The following RUNDC3B variants were observed in gnomAD, a reference collection of about 807,000 sequenced individuals.
RUNDC3B encodes RUN domain-containing protein 3B.
RUNDC3B carries 33 observed loss-of-function variants against 58.4 expected under a neutral mutation model. The observed-to-expected ratio is 0.56, with a 90% CI of 0.43 to 0.75. The LOEUF (loss-of-function observed/expected upper bound fraction) is 0.75. Among genes scored for constraint, RUNDC3B ranks in the 30% least tolerant of loss-of-function variants. The pLI is 0.00. For synonymous variants in RUNDC3B, 193 were observed against 195.2 expected (o/e 0.99, Z 0.10); for missense variants, 501 against 535.7 (o/e 0.94, Z 0.64).
chr7:87,642,036 T>G (rs995020648), intron 1 of RUNDC3B, among the ~76,000 whole-genome samples: 1 of 151,962 alleles, frequency 6.6e-6, no homozygotes, highest in Non-Finnish European at 1.5e-5. Flanking sequence ...GTGGACGATA[T>G]GCTTTTTGCA....
intron 8 of RUNDC3B, among the ~76,000 whole-genome samples, chr7:87,793,408 T>A (rs1835634769): frequency 6.6e-6 from 1 of 152,132 alleles, no homozygotes; most frequent in Non-Finnish European, 1.5e-5. Context: ...CTGAAGAACA[T>A]TGATGCAGAA....
chr7:87,717,766 A>G (rs1228245359), intron 4 of RUNDC3B, among the ~76,000 whole-genome samples: 1 of 152,140 alleles, frequency 6.6e-6, no homozygotes, highest in African/African-American at 2.4e-5. Context: ...AAGCCTGGAT[A>G]GTCCCAATGA....
rs148571002 is a variant in RUNDC3B, at chr7:87,632,788, A to G, written c.122+3843A>G. Among the ~76,000 whole-genome samples the G allele has an allele frequency of 3.8e-3, 575 of 152,314 alleles. 3 individuals are homozygous for G. The highest frequency in any genetic ancestry group is 0.013 in the African/African-American group (554 of 41,572). ...TTTTGGTGGCAGAGTATTAAAATCTAAATTCTCTTTCTATGGCTTAACAAT... is the reference window on the plus strand; with the variant it reads ...TTTTGGTGGCAGAGTATTAAAATCTGAATTCTCTTTCTATGGCTTAACAAT... On this transcript the variant is annotated intron_variant, in intron 1 of 10. Coordinates refer to ENST00000394654, the MANE Select transcript of RUNDC3B (RefSeq NM_001134405.2).
At chr7:87,697,229 A>T (rs1828571422) in intron 2 of RUNDC3B, among the ~76,000 whole-genome samples, 1 of 152,210 alleles carries the variant, frequency 6.6e-6, no homozygotes, top group Admixed American at 6.5e-5. Context: ...GGTGGTTGCC[A>T]TTGGCTAATA....
intron 2 of RUNDC3B, among the ~76,000 whole-genome samples, chr7:87,669,893 G>T (rs140939780): frequency 1.3e-5 from 2 of 152,214 alleles, no homozygotes; most frequent in Non-Finnish European, 2.9e-5. Flanking sequence ...CTCTCTAGCT[G>T]CCTTTAAAAG....
chr7:87,679,153 C>T (rs896170296), intron 2 of RUNDC3B, among the ~76,000 whole-genome samples: 10 of 139,266 alleles, frequency 7.2e-5, no homozygotes, highest in South Asian at 4.6e-4. Flanking sequence ...AGTGCAGTGG[C>T]GCGATCTTGG....
At chr7:87,745,140 AGCATCCCT>A (rs1832574212) in intron 6 of RUNDC3B, among the ~76,000 whole-genome samples, 3 of 152,202 alleles carry the variant, frequency 2.0e-5, no homozygotes, top group African/African-American at 7.2e-5. Flanking sequence ...CATATGTTAA[AGCATCCCT>A]GCATCCCTGG....
chr7:87,741,135 G>A (rs1457285326), intron 5 of RUNDC3B, among the ~76,000 whole-genome samples: 1 of 151,676 alleles, frequency 6.6e-6, no homozygotes, highest in Non-Finnish European at 1.5e-5. Flanking sequence ...AACCCGGGAG[G>A]CAGAGGCTGC....
chr7:87,653,492 A>G (rs1469369859), intron 2 of RUNDC3B, among the ~76,000 whole-genome samples: 6 of 152,060 alleles, frequency 3.9e-5, no homozygotes, highest in African/African-American at 1.4e-4. Flanking sequence ...AATCTACTCA[A>G]CAGTATTTCT....
At chr7:87,691,017 A>G (rs1420175615) in intron 2 of RUNDC3B, among the ~76,000 whole-genome samples, 41 of 152,170 alleles carry the variant, frequency 2.7e-4, no homozygotes, top group Non-Finnish European at 1.3e-4. Flanking sequence ...CATCGATTAT[A>G]TCAATCACGA....
At chr7:87,808,791 TGAA>T (rs531045620) in intron 9 of RUNDC3B, among the ~76,000 whole-genome samples, 4 of 152,106 alleles carry the variant, frequency 2.6e-5, no homozygotes, top group African/African-American at 9.6e-5. Flanking sequence ...GTTTAATTAA[TGAA>T]GAATTTATTT....
At chr7:87,776,664 G>A (rs979360628) in intron 7 of RUNDC3B, among the ~76,000 whole-genome samples, 1 of 151,766 alleles carries the variant, frequency 6.6e-6, no homozygotes, top group East Asian at 1.9e-4. Context: ...AATATATATT[G>A]TTTATATTAA....
chr7:87,737,647 C>A (rs1051332998), intron 4 of RUNDC3B, among the ~76,000 whole-genome samples: 15 of 151,944 alleles, frequency 9.9e-5, no homozygotes, highest in African/African-American at 3.6e-4. Context: ...TTTTTCTTAA[C>A]CAGAACTAAT....
In RUNDC3B at chr7:87,680,563, C is replaced by G. The variant is rs370297606; in HGVS notation, c.239-19858C>G. Among the ~76,000 whole-genome samples the G allele has an allele frequency of 1.4e-4, 21 of 150,508 alleles. 2 individuals carry two copies. Among genetic ancestry groups the G allele is most frequent in the Non-Finnish European group, 2.2e-4 (15 of 67,850 alleles). ...ATCCCAGCACTTAGGGAGGCCAAGG[C>G]GAGTGGATCACCTTAGGTCAGGAGT... On this transcript the variant is annotated intron_variant, in intron 2 of 10. Coordinates refer to ENST00000394654, the MANE Select transcript of RUNDC3B (RefSeq NM_001134405.2).
At chr7:87,670,658 G>A (rs911343084) in intron 2 of RUNDC3B, among the ~76,000 whole-genome samples, 2 of 152,144 alleles carry the variant, frequency 1.3e-5, no homozygotes, top group African/African-American at 4.8e-5. Context: ...TTCTCTTTTG[G>A]ATGTTTTCAC....
At chr7:87,719,269 C>CT (rs1830729837) in intron 4 of RUNDC3B, among the ~76,000 whole-genome samples, 1 of 151,958 alleles carries the variant, frequency 6.6e-6, no homozygotes, top group Admixed American at 6.6e-5. Flanking sequence ...AAGTCTTTTA[C>CT]TTTTGTGTGA....
intron 8 of RUNDC3B, among the ~76,000 whole-genome samples, chr7:87,783,904 A>G (rs1319193291): frequency 6.6e-6 from 1 of 152,038 alleles, no homozygotes; most frequent in Non-Finnish European, 1.5e-5. Flanking sequence ...TGTAAGTGAT[A>G]TGACCCTTTT....
chr7:87,752,608 G>A (rs1183735528), intron 6 of RUNDC3B, among the ~76,000 whole-genome samples: 15 of 152,206 alleles, frequency 9.9e-5, no homozygotes, highest in Non-Finnish European at 1.6e-4. Context: ...TCTTGGGAGA[G>A]TGTATGTGTT....
In RUNDC3B at chr7:87,830,068, A is replaced by T; in HGVS notation, c.*38A>T. The T allele has an allele frequency of 2.8e-6, 4 of 1,431,190 alleles. No homozygotes were observed. Among genetic ancestry groups the T allele is most frequent in the Non-Finnish European group, 3.8e-6 (4 of 1,053,168 alleles). The allele number at this position is 1,431,190 out of a possible 1,614,324, so 88.7% of individuals were successfully genotyped here. A position where few individuals can be genotyped will look rare whatever the true frequency, so the allele number is the denominator to read the frequency against. On this transcript the variant is annotated 3_prime_UTR_variant, in exon 11 of 11. Coordinates refer to ENST00000394654, the MANE Select transcript of RUNDC3B (RefSeq NM_001134405.2). ...AAAAGCCAAAACTTTTTATGTTGTA[A>T]ATGTTTAATTTACATGTTTGACTGC... is the stretch of plus-strand genomic sequence containing the variant.
Sources: gnomAD v4.1 joint callset for allele counts (sites outside exome capture counted in the v4.1 genomes callset) on GRCh38, gnomAD v4.1.1 for gene constraint, MANE v1.5 for transcripts, NCBI Gene and HGNC (gene_info 2026-07-23, HGNC 2026-07-21) for gene names.